MLLT3: variants seen among roughly 807,000 people sequenced by gnomAD.
The protein encoded by MLLT3 is MLLT3 super elongation complex subunit.
MLLT3 carries 4 observed loss-of-function variants against 53.2 expected under a neutral mutation model. The ratio of observed to expected loss-of-function variants is 0.08; its 90% CI spans 0.04 to 0.17. The LOEUF is 0.17. Ranked by LOEUF, MLLT3 falls within the 10% of genes least tolerant of loss-of-function variation. The pLI, the probability that MLLT3 is intolerant of heterozygous loss-of-function variation, is 1.00. For missense variants in MLLT3, 569 were observed against 684.0 expected (o/e 0.83, Z 1.87); for synonymous variants, 283 against 230.6 (o/e 1.23, Z -2.06).
chr9:20,544,319 T>C (rs1405445544), intron 2 of MLLT3, among the ~76,000 whole-genome samples: 4 of 152,146 alleles, frequency 2.6e-5, no homozygotes, highest in South Asian at 2.1e-4. Context: ...GGACTATATA[T>C]ACCACGCTCA....
At chr9:20,365,360 G>C (rs1013764109) in intron 6 of MLLT3, among the ~76,000 whole-genome samples, 5 of 151,758 alleles carry the variant, frequency 3.3e-5, no homozygotes, top group African/African-American at 9.7e-5. Flanking sequence ...TTTTTTTTGA[G>C]ACGGAGTCTC....
chr9:20,409,139 ATTAAAACTTT>A (rs1387391493), intron 5 of MLLT3, among the ~76,000 whole-genome samples: 1 of 152,218 alleles, frequency 6.6e-6, no homozygotes, highest in Non-Finnish European at 1.5e-5. Context: ...GGGAAAGATC[ATTAAAACTTT>A]TTACTTCTTC....
chr9:20,608,634 G>C (rs552500357), intron 2 of MLLT3, among the ~76,000 whole-genome samples: 3 of 151,658 alleles, frequency 2.0e-5, no homozygotes, highest in Non-Finnish European at 2.9e-5. Context: ...TAAAGGAAAA[G>C]ACTCAAAACG....
At chr9:20,450,725 A>G (rs1370567816) in intron 3 of MLLT3, among the ~76,000 whole-genome samples, 1 of 152,218 alleles carries the variant, frequency 6.6e-6, no homozygotes, top group East Asian at 1.9e-4. Flanking sequence ...TATAATCTGA[A>G]TTAGATGTCC....
At chr9:20,532,436 G>T (rs10964597) in intron 2 of MLLT3, 24,204 of 168,532 alleles carry the variant, frequency 0.14, 1,916 homozygotes, top group South Asian at 0.18. Flanking sequence ...TAACACAGTT[G>T]CAGTCATATA....
At chr9:20,544,989 T>A (rs933254253) in intron 2 of MLLT3, among the ~76,000 whole-genome samples, 1 of 149,368 alleles carries the variant, frequency 6.7e-6, no homozygotes, top group Non-Finnish European at 1.5e-5. Context: ...AGGCTATAGC[T>A]GAGGCTGAGG....
In MLLT3 at chr9:20,509,714, G is replaced by A. The variant is rs1457812947; in HGVS notation, c.194-52928C>T. On this transcript the variant is annotated intron_variant, in intron 2 of 10. Transcript: ENST00000380338. ...GGCACTGCATCTTTCACTAACAAAC[G>A]AAATGTAACCTGAACTTTGTCTTAC... Among the ~76,000 whole-genome samples, 4 of 152,132 alleles carry A rather than the reference G, an allele frequency of 2.6e-5. No individual in the cohort carries two copies. In the East Asian group the frequency reaches 5.8e-4, roughly 22 times the overall value.
chr9:20,358,099 C>T (rs979189944), intron 8 of MLLT3, among the ~76,000 whole-genome samples: 3 of 151,794 alleles, frequency 2.0e-5, no homozygotes, highest in Non-Finnish European at 4.4e-5. Context: ...CTTATACCAT[C>T]AACATAGAGA....
chr9:20,369,142 A>G (rs570375944), intron 5 of MLLT3, among the ~76,000 whole-genome samples: 4 of 152,210 alleles, frequency 2.6e-5, no homozygotes, highest in Non-Finnish European at 5.9e-5. Flanking sequence ...CCAGGGACCA[A>G]CCATGCTGAT....
intron 5 of MLLT3, among the ~76,000 whole-genome samples, chr9:20,409,226 C>A (rs1289296724): frequency 6.6e-6 from 1 of 152,176 alleles, no homozygotes; most frequent in Admixed American, 6.5e-5. Flanking sequence ...AAGAAAACTA[C>A]CACCATAACT....
At chr9:20,586,456 T>C (rs1019816332) in intron 2 of MLLT3, among the ~76,000 whole-genome samples, 1 of 150,690 alleles carries the variant, frequency 6.6e-6, no homozygotes, top group Admixed American at 6.6e-5. Flanking sequence ...AAAAGTGATA[T>C]CACTGACTTC....
intron 4 of MLLT3, among the ~76,000 whole-genome samples, chr9:20,430,865 G>C (rs1016323117): frequency 6.6e-6 from 1 of 152,002 alleles, no homozygotes; most frequent in Non-Finnish European, 1.5e-5. Flanking sequence ...CCTATCTCCA[G>C]GATATTAAAA....
intron 2 of MLLT3, among the ~76,000 whole-genome samples, chr9:20,513,047 G>A (rs573099582): frequency 1.3e-5 from 2 of 152,246 alleles, no homozygotes; most frequent in Non-Finnish European, 2.9e-5. Context: ...GGTTTTGGGG[G>A]TATCTCTCTG....
intron 4 of MLLT3, among the ~76,000 whole-genome samples, chr9:20,424,445 A>C (rs1207881921): frequency 1.3e-5 from 2 of 152,194 alleles, no homozygotes; most frequent in East Asian, 3.8e-4. Flanking sequence ...ATGTTTTCAA[A>C]TTTTGAAGTC....
Position 20,347,006 on chromosome 9 carries a change from A to C in MLLT3, c.1576-432T>G, listed in dbSNP as rs987925467. Among the ~76,000 whole-genome samples the C allele has an allele frequency of 7.6e-5, 11 of 145,574 alleles. No individual in the cohort carries two copies. The East Asian group carries it at 1.2e-3, about 16-fold the overall frequency. On this transcript the variant is annotated intron_variant, in intron 10 of 10. Coordinates refer to ENST00000380338, the MANE Select transcript of MLLT3 (RefSeq NM_004529.4). Reference sequence around the variant, plus strand: ...TAAGTACAAACACATACACACACACACCCCTATATAAAATCATTTTCCTTT... The same window carrying C: ...TAAGTACAAACACATACACACACACCCCCCTATATAAAATCATTTTCCTTT...
chr9:20,621,107 G>A lies in MLLT3; in HGVS notation c.13-273C>T, dbSNP rs1433603216. The A allele has an allele frequency of 1.7e-6, 1 of 583,442 alleles. No individual in the cohort carries two copies. The highest frequency in any genetic ancestry group is 3.0e-5 in the East Asian group (1 of 32,816). The allele number at this position is 583,442 out of a possible 1,614,324, so 36.1% of individuals were successfully genotyped here. A position where few individuals can be genotyped will look rare whatever the true frequency, so the allele number is the denominator to read the frequency against. On this transcript the variant is annotated intron_variant, in intron 1 of 10. Coordinates refer to ENST00000380338, the MANE Select transcript of MLLT3 (RefSeq NM_004529.4). The surrounding 1 kb of genome is among the most constrained non-coding windows in gnomAD (Gnocchi z 7.0). Reference sequence around the variant, plus strand: ...GAATGTTATCCCCAGTCGGGAAGGGGGTCGGGGAAAAGAGGGAGAACACAC... The same window carrying A: ...GAATGTTATCCCCAGTCGGGAAGGGAGTCGGGGAAAAGAGGGAGAACACAC...
intron 2 of MLLT3, among the ~76,000 whole-genome samples, chr9:20,461,281 T>A (rs922041767): frequency 6.6e-6 from 1 of 152,194 alleles, no homozygotes; most frequent in South Asian, 2.1e-4. Context: ...ATATATAATA[T>A]GTAGTATGAT....
chr9:20,355,199 G>A (rs528695447), intron 8 of MLLT3, among the ~76,000 whole-genome samples: 1 of 151,482 alleles, frequency 6.6e-6, no homozygotes, highest in East Asian at 1.9e-4. Context: ...CATATGTATA[G>A]CAGCTGAGTT....
chr9:20,544,551 T>C (rs1265387905), intron 2 of MLLT3, among the ~76,000 whole-genome samples: 1 of 152,182 alleles, frequency 6.6e-6, no homozygotes, highest in Non-Finnish European at 1.5e-5. Context: ...CTTTTCCACG[T>C]AGGATGGCCA....
Sources: allele counts gnomAD v4.1 joint callset (sites outside exome capture counted in the v4.1 genomes callset), GRCh38; gene constraint gnomAD v4.1.1; non-coding constraint Gnocchi (gnomAD v3.1); transcripts MANE v1.5; gene names NCBI Gene and HGNC (gene_info 2026-07-23, HGNC 2026-07-21).